RBAK: variants seen among roughly 807,000 people sequenced by gnomAD.
RBAK encodes RB associated KRAB zinc finger, also known as RB-associated KRAB zinc finger protein.
A neutral mutation model predicts 65.8 loss-of-function variants in RBAK; 39 were observed. That is an observed-to-expected ratio of 0.59 (90% confidence interval 0.46 to 0.77). The LOEUF (loss-of-function observed/expected upper bound fraction) is 0.77. Among genes scored for constraint, RBAK ranks in the 30% least tolerant of loss-of-function variants. The pLI is 0.00. For missense variants in RBAK, 884 were observed against 855.1 expected (o/e 1.03, Z -0.42); for synonymous variants, 343 against 289.7 (o/e 1.18, Z -1.87).
At chr7:5,054,643 A>G (rs867497856) in intron 2 of RBAK, among the ~76,000 whole-genome samples, 2 of 151,920 alleles carry the variant, frequency 1.3e-5, no homozygotes, top group Non-Finnish European at 2.9e-5. Flanking sequence ...TATGTTGCCA[A>G]GGCTGGTCTC....
Position 5,065,512 on chromosome 7 carries a change from A to G in RBAK, c.2056A>G (p.Lys686Glu), listed in dbSNP as rs1167684968. The change falls in exon 5 of 5, where the codon AAA becomes GAA. Residue 686 changes from lysine (K) to glutamate (E), a missense_variant. Coordinates refer to ENST00000396912, the MANE Select transcript of RBAK (RefSeq NM_021163.4). This position sits in a 1 kb window ranked among gnomAD's most constrained non-coding sequence, Gnocchi z 5.3. ...EKPYECNECG[K>E]KFHHRSAFNS... ...ACCCTATGAATGTAACGAGTGTGGGAAAAAATTCCACCACAGATCAGCCTT... is the reference window on the plus strand; with the variant it reads ...ACCCTATGAATGTAACGAGTGTGGGGAAAAATTCCACCACAGATCAGCCTT... 6.8e-6 allele frequency: 11 copies of G among 1,606,100 alleles called. No homozygotes were observed. The highest frequency in any genetic ancestry group is 9.3e-6 in the Non-Finnish European group (11 of 1,176,572).
At chr7:5,052,080 A>G (rs1788129178) in intron 2 of RBAK, among the ~76,000 whole-genome samples, 1 of 152,226 alleles carries the variant, frequency 6.6e-6, no homozygotes, top group Non-Finnish European at 1.5e-5. Context: ...GTTCAAGGTT[A>G]TTACATCCTG....
Position 5,065,774 on chromosome 7 carries a change from G to A in RBAK, c.*173G>A, listed in dbSNP as rs1194877411. 2 of 450,644 alleles carry A rather than the reference G, an allele frequency of 4.4e-6. No individual in the cohort carries two copies. Among genetic ancestry groups the A allele is most frequent in the Non-Finnish European group, 7.6e-6 (2 of 262,252 alleles). The allele number at this position is 450,644 out of a possible 1,614,324, so 27.9% of individuals were successfully genotyped here. A position where few individuals can be genotyped will look rare whatever the true frequency, so the allele number is the denominator to read the frequency against. On this transcript the variant is annotated 3_prime_UTR_variant, in exon 5 of 5. Coordinates refer to ENST00000396912, the MANE Select transcript of RBAK (RefSeq NM_021163.4). The surrounding 1 kb of genome is among the most constrained non-coding windows in gnomAD (Gnocchi z 5.3). ...AGAAGAATCCCGAAGAATGTAACAA[G>A]AAGCAAAGCCTTCAGCAAGATCATA...
At position 5,066,323 on chromosome 7, in the gene RBAK, G is replaced by C. The variant is rs1779217485; in HGVS notation, c.*722G>C. ...ATTTACAAATGGGTTTTTAACAAAT[G>C]CCTCATTAGTACAGGAGGCAGTCGT... On this transcript the variant is annotated 3_prime_UTR_variant, in exon 5 of 5. Coordinates refer to ENST00000396912, the MANE Select transcript of RBAK (RefSeq NM_021163.4). 6.6e-6 allele frequency: 1 copy of C among 152,376 alleles called. No homozygotes were observed. The highest frequency in any genetic ancestry group is 1.5e-5 in the Non-Finnish European group (1 of 67,998). The allele number at this position is 152,376 out of a possible 1,614,324, so 9.4% of individuals were successfully genotyped here. A position where few individuals can be genotyped will look rare whatever the true frequency, so the allele number is the denominator to read the frequency against.
At chr7:5,058,045 A>G (rs72571436) in intron 4 of RBAK, among the ~76,000 whole-genome samples, 36,210 of 150,044 alleles carry the variant, frequency 0.24, 4,733 homozygotes, top group East Asian at 0.4. Flanking sequence ...CTCCCTTGCC[A>G]TTACAGAATT....
intron 2 of RBAK, among the ~76,000 whole-genome samples, chr7:5,052,671 C>A (rs1583454164): frequency 6.6e-6 from 1 of 152,234 alleles, no homozygotes; most frequent in East Asian, 1.9e-4. Flanking sequence ...CACCGTTGTT[C>A]ATTTTATTTT....
intron 2 of RBAK, among the ~76,000 whole-genome samples, chr7:5,053,512 G>A (rs1213402696): frequency 6.6e-6 from 1 of 151,794 alleles, no homozygotes; most frequent in Non-Finnish European, 1.5e-5. Context: ...TGGATCTTGG[G>A]TTTATGGTGT....
chr7:5,057,783 A>G lies in RBAK; in HGVS notation c.238+4A>G. On this transcript the variant is annotated splice_donor_region_variant and intron_variant, in intron 4 of 4. Transcript: ENST00000396912. ...TTTCCATGTCAACATAGTCCAGGTA[A>G]GTTAGTAGCGTATCAAAGGTTAAAA... The G allele has an allele frequency of 1.2e-6, 2 of 1,613,868 alleles. No individual in the cohort carries two copies. The highest frequency in any genetic ancestry group is 1.7e-6 in the Non-Finnish European group (2 of 1,179,802).
chr7:5,056,104 C>CT (rs887932671), intron 2 of RBAK, among the ~76,000 whole-genome samples: 22,867 of 107,892 alleles, frequency 0.21, 3,157 homozygotes, highest in African/African-American at 0.31. Context: ...TTGCATTTTT[C>CT]TTTTTTTTTT....
At chr7:5,047,105 T>G (rs1788005433) in intron 1 of RBAK, among the ~76,000 whole-genome samples, 5 of 152,092 alleles carry the variant, frequency 3.3e-5, no homozygotes, top group African/African-American at 1.2e-4. Context: ...AAAGAGACAA[T>G]AAGAAAATGC....
intron 2 of RBAK, among the ~76,000 whole-genome samples, chr7:5,053,959 T>C (rs1788169819): frequency 6.6e-6 from 1 of 152,192 alleles, no homozygotes; most frequent in Non-Finnish European, 1.5e-5. Context: ...CTGCCCATTT[T>C]CCCATCTCGC....
At position 5,048,234 on chromosome 7, in the gene RBAK, A is replaced by G. The variant is rs1202630166; in HGVS notation, c.15+143A>G. The G allele has an allele frequency of 5.3e-6, 6 of 1,131,438 alleles. No homozygotes were observed. The highest frequency in any genetic ancestry group is 6.1e-6 in the Non-Finnish European group (5 of 822,386). The allele number at this position is 1,131,438 out of a possible 1,614,324, so 70.1% of individuals were successfully genotyped here. On this transcript the variant is annotated intron_variant, in intron 2 of 4. Transcript: ENST00000396912. This position sits in a 1 kb window ranked among gnomAD's most constrained non-coding sequence, Gnocchi z 4.4. ...GTTGCCCAGGCTGGAGTGCAGTGGC[A>G]TGATCTCGCTTCACTGCAACCTCCA... is the stretch of plus-strand genomic sequence containing the variant.
intron 4 of RBAK, 106 bp downstream of exon 4, chr7:5,057,885 C>G (rs764654935): frequency 7.5e-5 from 84 of 1,120,472 alleles, no homozygotes; most frequent in Non-Finnish European, 1.1e-4. Context: ...CACCTCCCAA[C>G]CCCCAAATAT....
At chr7:5,051,348 TTATA>T (rs1443998829) in intron 2 of RBAK, among the ~76,000 whole-genome samples, 2 of 152,160 alleles carry the variant, frequency 1.3e-5, no homozygotes, top group Non-Finnish European at 2.9e-5. Context: ...GTACATATTT[TTATA>T]TATTTTTTTT....
intron 4 of RBAK, among the ~76,000 whole-genome samples, chr7:5,060,468 A>G (rs995501506): frequency 6.6e-6 from 1 of 152,270 alleles, no homozygotes; most frequent in South Asian, 2.1e-4. Context: ...TTTAAAATTC[A>G]GCTTTCACAT....
intron 4 of RBAK, among the ~76,000 whole-genome samples, chr7:5,062,674 A>G (rs1779105625): frequency 6.6e-6 from 1 of 152,194 alleles, no homozygotes; most frequent in Non-Finnish European, 1.5e-5. Flanking sequence ...GCCTGGGAGC[A>G]CTATGGGAGA....
At chr7:5,062,345 G>C (rs889082731) in intron 4 of RBAK, among the ~76,000 whole-genome samples, 1 of 152,134 alleles carries the variant, frequency 6.6e-6, no homozygotes, top group African/African-American at 2.4e-5. Flanking sequence ...GCGTCCGGGG[G>C]AGACATCACA....
In RBAK at chr7:5,065,433, C is replaced by G; in HGVS notation, c.1977C>G (p.Val659=). Residue 659 remains valine, a synonymous_variant, in exon 5 of 5, where the codon GTC becomes GTG. Coordinates refer to ENST00000396912, the MANE Select transcript of RBAK (RefSeq NM_021163.4). This position sits in a 1 kb window ranked among gnomAD's most constrained non-coding sequence, Gnocchi z 5.3. ...KPYECNECGK[V]FSQKSYLTVH... ...ATGAATGTAATGAATGTGGGAAAGTCTTTTCTCAGAAGTCATACCTCACTG... is the reference window on the plus strand; with the variant it reads ...ATGAATGTAATGAATGTGGGAAAGTGTTTTCTCAGAAGTCATACCTCACTG... 1 of 1,613,828 alleles carries G rather than the reference C, an allele frequency of 6.2e-7. No homozygotes were observed. The highest frequency in any genetic ancestry group is 8.5e-7 in the Non-Finnish European group (1 of 1,179,826).
chr7:5,065,174 G>C lies in RBAK; in HGVS notation c.1718G>C (p.Gly573Ala). Residue 573 changes from glycine (G) to alanine (A), a missense_variant, in exon 5 of 5, where the codon GGG becomes GCG. Transcript: ENST00000396912. This position sits in a 1 kb window ranked among gnomAD's most constrained non-coding sequence, Gnocchi z 5.3. ...EEKPYGCSEC[G>A]KTFSHNSSLF... ...AAACCTTATGGATGTAGCGAATGTG[G>C]GAAAACCTTTTCCCATAATTCATCC... 1 of 1,613,608 alleles carries C rather than the reference G, an allele frequency of 6.2e-7. No individual in the cohort carries two copies. The highest frequency in any genetic ancestry group is 8.5e-7 in the Non-Finnish European group (1 of 1,179,854).
Sources: allele counts gnomAD v4.1 joint callset (sites outside exome capture counted in the v4.1 genomes callset), GRCh38; gene constraint gnomAD v4.1.1; non-coding constraint Gnocchi (gnomAD v3.1); transcripts MANE v1.5; gene names NCBI Gene and HGNC (gene_info 2026-07-23, HGNC 2026-07-21).